The following ZNF423 variants were observed in gnomAD, a reference collection of about 807,000 sequenced individuals.
ZNF423 encodes Ebf-associated zinc finger protein.
Under a neutral mutation model 95.8 loss-of-function variants are expected in ZNF423, and 12 were observed. That is an observed-to-expected ratio of 0.13 (90% confidence interval 0.08 to 0.20). ZNF423 has a LOEUF of 0.20. Among genes scored for constraint, ZNF423 ranks in the 10% least tolerant of loss-of-function variants. The pLI is 1.00. For missense variants in ZNF423, 1,316 were observed against 1,737.1 expected (o/e 0.76, Z 4.31); for synonymous variants, 749 against 711.9 (o/e 1.05, Z -0.83).
chr16:49,678,356 C>T (rs76303979), intron 3 of ZNF423, among the ~76,000 whole-genome samples: 13 of 151,666 alleles, frequency 8.6e-5, no homozygotes, highest in South Asian at 2.1e-4. Context: ...AAAAAGTTAC[C>T]GACACTAAGG....
intron 5 of ZNF423, among the ~76,000 whole-genome samples, chr16:49,582,611 A>G (rs1187562206): frequency 2.0e-5 from 3 of 152,244 alleles, no homozygotes; most frequent in Non-Finnish European, 2.9e-5. Flanking sequence ...GGAAATGGGC[A>G]TAGGAAATTC....
intron 7 of ZNF423, among the ~76,000 whole-genome samples, chr16:49,494,327 G>A (rs1407200984): frequency 6.6e-6 from 1 of 152,200 alleles, no homozygotes; most frequent in East Asian, 1.9e-4. Context: ...TTTTGTGACA[G>A]GAACAAAAGC....
At chr16:49,508,307 G>A (rs1967737292) in intron 7 of ZNF423, among the ~76,000 whole-genome samples, 1 of 152,008 alleles carries the variant, frequency 6.6e-6, no homozygotes, top group East Asian at 1.9e-4. Context: ...AATTGCTTGA[G>A]GCCAGGAGTT....
chr16:49,696,393 T>G (rs552995420), intron 3 of ZNF423, among the ~76,000 whole-genome samples: 2 of 152,248 alleles, frequency 1.3e-5, no homozygotes, highest in East Asian at 3.9e-4. Flanking sequence ...AAGCTCTAGC[T>G]CCAAACAAAG....
At chr16:49,713,682 G>A (rs1472532573) in intron 3 of ZNF423, among the ~76,000 whole-genome samples, 1 of 152,202 alleles carries the variant, frequency 6.6e-6, no homozygotes, top group South Asian at 2.1e-4. Context: ...TCTGTTTTCT[G>A]TTGGGACCCT....
chr16:49,685,531 T>A (rs2031530584), intron 3 of ZNF423, among the ~76,000 whole-genome samples: 1 of 152,140 alleles, frequency 6.6e-6, no homozygotes, highest in Non-Finnish European at 1.5e-5. Flanking sequence ...ATCCTATTCC[T>A]CCTTCAGCGC....
rs186433695 is a variant in ZNF423, at chr16:49,809,259, C to T, written c.41-19713G>A. On this transcript the variant is annotated intron_variant, in intron 1 of 7. Coordinates refer to ENST00000563137, the MANE Select transcript of ZNF423 (RefSeq NM_001379286.1). ...ATGCGAGGACACCCACACAGAGAAG[C>T]TCTCCCACACCATCAGAAAAAGCAC... Among the ~76,000 whole-genome samples the T allele has an allele frequency of 1.2e-4, 19 of 152,378 alleles. No individual in the cohort carries two copies. The East Asian group carries it at 3.7e-3, about 29-fold the overall frequency.
At chr16:49,846,045 G>A (rs2035241443) in intron 1 of ZNF423, among the ~76,000 whole-genome samples, 1 of 152,080 alleles carries the variant, frequency 6.6e-6, no homozygotes, top group African/African-American at 2.4e-5. Flanking sequence ...TGAAATTCAA[G>A]CTAAAAAGCC....
chr16:49,665,076 C>A (rs1182165204), intron 3 of ZNF423, among the ~76,000 whole-genome samples: 1 of 152,146 alleles, frequency 6.6e-6, no homozygotes, highest in Non-Finnish European at 1.5e-5. Context: ...CCTGGCTAGG[C>A]AGGCCTGAAG....
intron 7 of ZNF423, 138 bp from the exon 8 acceptor site, chr16:49,491,442 G>T (rs1966958402): frequency 9.3e-7 from 1 of 1,072,346 alleles, no homozygotes. Context: ...CAAGGAAAAA[G>T]TGCTCCAGGG....
At chr16:49,625,475 C>T (rs962219385) in intron 5 of ZNF423, among the ~76,000 whole-genome samples, 3 of 152,196 alleles carry the variant, frequency 2.0e-5, no homozygotes, top group African/African-American at 7.2e-5. Context: ...CTTCTTGAAG[C>T]TCTCCCAGGC....
intron 1 of ZNF423, among the ~76,000 whole-genome samples, chr16:49,817,173 C>T (rs1049958722): frequency 3.9e-5 from 6 of 152,214 alleles, no homozygotes; most frequent in Non-Finnish European, 5.9e-5. Context: ...TGGGGCACGC[C>T]TGAGGCTCTG....
At chr16:49,539,847 G>A (rs528343539) in intron 5 of ZNF423, among the ~76,000 whole-genome samples, 1 of 152,248 alleles carries the variant, frequency 6.6e-6, no homozygotes, top group Non-Finnish European at 1.5e-5. Flanking sequence ...TGGGGAAGCA[G>A]AGCTCCAGGG....
chr16:49,758,130 A>G (rs951898244), intron 2 of ZNF423, among the ~76,000 whole-genome samples: 5 of 152,108 alleles, frequency 3.3e-5, no homozygotes, highest in African/African-American at 1.2e-4. Context: ...CCAGATCAGG[A>G]ATTGTTAGAA....
At chr16:49,857,845 C>A (rs1370180965), upstream of ZNF423, 2 of 152,406 alleles carry the variant, frequency 1.3e-5, no homozygotes, top group South Asian at 2.1e-4. The surrounding 1 kb of genome is among the most constrained non-coding windows in gnomAD (Gnocchi z 6.2). Context: ...GGGCGCCGCG[C>A]GTCCCCCGCA....
intron 5 of ZNF423, among the ~76,000 whole-genome samples, chr16:49,553,231 A>T (rs984066129): frequency 4.6e-5 from 7 of 152,206 alleles, no homozygotes; most frequent in African/African-American, 1.7e-4. Context: ...TAGAGGTACT[A>T]CCTGTGCAGT....
intron 1 of ZNF423, among the ~76,000 whole-genome samples, chr16:49,815,870 C>CAAACA (rs1567355991): frequency 7.6e-5 from 3 of 39,528 alleles, no homozygotes; most frequent in African/African-American, 3.6e-4. Flanking sequence ...TCCAAACAAA[C>CAAACA]AAAAAAAAAA....
Position 49,638,237 on chromosome 16 carries a change from G to C in ZNF423, c.939C>G (p.Val313=). 1.2e-6 allele frequency: 2 copies of C among 1,610,508 alleles called. No individual in the cohort carries two copies. Among genetic ancestry groups the C allele is most frequent in the Non-Finnish European group, 8.5e-7 (1 of 1,180,014 alleles). The change falls in exon 4 of 8, where the codon GTC becomes GTG. Residue 313 remains valine, a synonymous_variant. Coordinates refer to ENST00000563137, the MANE Select transcript of ZNF423 (RefSeq NM_001379286.1). The surrounding 1 kb of genome is among the most constrained non-coding windows in gnomAD (Gnocchi z 5.6). ...LQCIHCPEVF[V]DENTLLAHIH... The stretch of plus-strand genomic sequence containing the variant: ...TATGGGCGAGCAGTGTGTTCTCGTC[G>C]ACGAAGACCTCAGGGCAGTGAATGC...
chr16:49,787,119 T>C (rs1425535437), intron 2 of ZNF423, among the ~76,000 whole-genome samples: 3 of 152,094 alleles, frequency 2.0e-5, no homozygotes. Context: ...GCTCAATAAA[T>C]GTGACATCGC....
Sources: gnomAD v4.1 joint callset for allele counts (sites outside exome capture counted in the v4.1 genomes callset) on GRCh38, gnomAD v4.1.1 for gene constraint, Gnocchi (gnomAD v3.1) non-coding constraint, MANE v1.5 for transcripts, NCBI Gene and HGNC (gene_info 2026-07-23, HGNC 2026-07-21) for gene names.